Variants in PCDH15 observed in about 807,000 individuals in gnomAD.
The protein encoded by PCDH15 is protocadherin-15.
Under a neutral mutation model 178.5 loss-of-function variants are expected in PCDH15, and 129 were observed. The ratio of observed to expected loss-of-function variants is 0.72; its 90% CI spans 0.63 to 0.84. The LOEUF is 0.84. PCDH15 is among the 40% of genes least tolerant of loss of function. The pLI, the probability that PCDH15 is intolerant of heterozygous loss-of-function variation, is 0.00. For missense variants in PCDH15, 2,230 were observed against 2,099.9 expected, an observed-to-expected ratio of 1.06 and a Z score of -1.21; for synonymous variants, 800 against 732.0, an observed-to-expected ratio of 1.09 and a Z score of -1.50.
intron 2 of PCDH15, among the ~76,000 whole-genome samples, chr10:55,419,191 G>C (rs1159942015): frequency 1.3e-5 from 2 of 151,698 alleles, no homozygotes; most frequent in Non-Finnish European, 3.0e-5. Flanking sequence ...GCGAAATGGG[G>C]AGGGAGGCCA....
intron 2 of PCDH15, among the ~76,000 whole-genome samples, chr10:55,494,035 CA>C (rs1396757541): frequency 1.3e-5 from 2 of 151,784 alleles, no homozygotes; most frequent in African/African-American, 2.4e-5. Flanking sequence ...TGGTCTAACA[CA>C]TAGTCTGTTC....
At chr10:53,928,650 G>A (rs2084783623) in intron 25 of PCDH15, among the ~76,000 whole-genome samples, 1 of 151,974 alleles carries the variant, frequency 6.6e-6, no homozygotes, top group Admixed American at 6.6e-5. Flanking sequence ...TCTGTGCATA[G>A]TTTCATTTGC....
At chr10:54,719,537 T>C (rs2095520140) in intron 1 of PCDH15, among the ~76,000 whole-genome samples, 1 of 152,022 alleles carries the variant, frequency 6.6e-6, no homozygotes, top group African/African-American at 2.4e-5. Flanking sequence ...TTACTTTAAG[T>C]TCTGGGATAC....
chr10:55,243,202 A>C (rs938192409), intron 1 of PCDH15, among the ~76,000 whole-genome samples: 9 of 152,218 alleles, frequency 5.9e-5, no homozygotes, highest in African/African-American at 2.2e-4. Context: ...AATACAGTGC[A>C]TTTTCATATT....
intron 3 of PCDH15, among the ~76,000 whole-genome samples, chr10:54,895,318 C>T (rs1035864365): frequency 1.3e-5 from 2 of 152,050 alleles, no homozygotes; most frequent in African/African-American, 4.8e-5. Flanking sequence ...TAGCCTACTA[C>T]CACTCAGGCA....
At chr10:53,889,136 TAA>T (rs1427059813) in intron 26 of PCDH15, among the ~76,000 whole-genome samples, 1 of 151,544 alleles carries the variant, frequency 6.6e-6, no homozygotes, top group Non-Finnish European at 1.5e-5. Context: ...GAAATAAACT[TAA>T]AAAAGTCATG....
chr10:55,153,005 TAATA>T (rs1278747664), intron 2 of PCDH15, among the ~76,000 whole-genome samples: 4 of 151,998 alleles, frequency 2.6e-5, no homozygotes, highest in Non-Finnish European at 1.5e-5. Flanking sequence ...AAGCCATAAC[TAATA>T]AATAATATAC....
At chr10:55,091,914 T>C (rs1014802663) in intron 2 of PCDH15, among the ~76,000 whole-genome samples, 4 of 151,384 alleles carry the variant, frequency 2.6e-5, no homozygotes, top group Non-Finnish European at 4.4e-5. Flanking sequence ...CCACTAGGGG[T>C]CGGTGTGAGT....
intron 1 of PCDH15, among the ~76,000 whole-genome samples, chr10:54,779,569 C>A (rs900419355): frequency 8.4e-6 from 1 of 119,084 alleles, no homozygotes; most frequent in Non-Finnish European, 1.8e-5. Context: ...CTGTTCAATA[C>A]AGCACACTGA....
chr10:54,695,810 A>T (rs1414396037), intron 1 of PCDH15, among the ~76,000 whole-genome samples: 1 of 152,042 alleles, frequency 6.6e-6, no homozygotes, highest in Non-Finnish European at 1.5e-5. Flanking sequence ...TATATTTACA[A>T]GATAGATATG....
chr10:53,967,598 T>C (rs2134383561), intron 21 of PCDH15, among the ~76,000 whole-genome samples: 1 of 152,304 alleles, frequency 6.6e-6, no homozygotes, highest in East Asian at 1.9e-4. Context: ...TTCCAAATAT[T>C]TGCTTTTATT....
intron 2 of PCDH15, among the ~76,000 whole-genome samples, chr10:55,495,009 A>G (rs1457862010): frequency 6.6e-6 from 1 of 151,764 alleles, no homozygotes; most frequent in Admixed American, 6.6e-5. Context: ...GGTGTCAAAA[A>G]TAGCTTTTCA....
At chr10:55,029,166 G>A (rs1840549658) in intron 2 of PCDH15, among the ~76,000 whole-genome samples, 1 of 151,884 alleles carries the variant, frequency 6.6e-6, no homozygotes, top group Non-Finnish European at 1.5e-5. Flanking sequence ...CTTCAGCATT[G>A]TTCTTTAAAT....
intron 10 of PCDH15, among the ~76,000 whole-genome samples, chr10:54,202,284 C>T (rs2050312852): frequency 1.3e-5 from 2 of 151,178 alleles, no homozygotes; most frequent in African/African-American, 4.9e-5. Context: ...TTAGAACCTG[C>T]TTGGCCAATT....
intron 1 of PCDH15, among the ~76,000 whole-genome samples, chr10:54,745,605 T>C (rs1945358366): frequency 6.6e-6 from 1 of 152,148 alleles, no homozygotes; most frequent in Non-Finnish European, 1.5e-5. Context: ...TTCCACATAA[T>C]GCTGTTGGCT....
intron 2 of PCDH15, among the ~76,000 whole-genome samples, chr10:55,117,542 T>C (rs566378612): frequency 6.6e-6 from 1 of 152,252 alleles, no homozygotes; most frequent in East Asian, 1.9e-4. Flanking sequence ...AAAAAGTCCA[T>C]CCAATTGCTT....
At chr10:55,453,855 G>T (rs1020439854) in intron 2 of PCDH15, among the ~76,000 whole-genome samples, 1 of 152,000 alleles carries the variant, frequency 6.6e-6, no homozygotes, top group Non-Finnish European at 1.5e-5. Flanking sequence ...ACTATCCCTC[G>T]AGGATATCTC....
At chr10:55,143,515 C>T (rs1031301913) in intron 2 of PCDH15, among the ~76,000 whole-genome samples, 5 of 151,976 alleles carry the variant, frequency 3.3e-5, no homozygotes, top group African/African-American at 1.2e-4. Flanking sequence ...TATCGTTTTC[C>T]TTTTGAATTG....
At chr10:55,031,082 T>C (rs370840548) in intron 2 of PCDH15, among the ~76,000 whole-genome samples, 3 of 152,194 alleles carry the variant, frequency 2.0e-5, no homozygotes, top group Admixed American at 6.5e-5. Context: ...CCCAAACAAA[T>C]TGATGACACT....
Sources: allele counts gnomAD v4.1 joint callset (sites outside exome capture counted in the v4.1 genomes callset), GRCh38; gene constraint gnomAD v4.1.1; transcripts MANE v1.5; gene names NCBI Gene and HGNC (gene_info 2026-07-23, HGNC 2026-07-21).